GUCY1A2: variants seen among roughly 807,000 people sequenced by gnomAD.
GUCY1A2 encodes the protein guanylate cyclase soluble subunit alpha-2.
A neutral mutation model predicts 63.5 loss-of-function variants in GUCY1A2; 27 were observed. The ratio of observed to expected loss-of-function variants is 0.43; its 90% CI spans 0.31 to 0.59. GUCY1A2 has a LOEUF of 0.59. GUCY1A2 is among the 20% of genes least tolerant of loss of function. The pLI is 0.11. For synonymous variants in GUCY1A2, 364 were observed against 343.5 expected, an observed-to-expected ratio of 1.06 and a Z score of -0.66; for missense variants, 768 against 913.3, an observed-to-expected ratio of 0.84 and a Z score of 2.05.
intron 3 of GUCY1A2, among the ~76,000 whole-genome samples, chr11:106,964,069 A>C (rs570575134): frequency 7.6e-4 from 115 of 151,908 alleles, no homozygotes; most frequent in Middle Eastern, 3.4e-3. Context: ...ACACACACAC[A>C]CCCACACATC....
intron 4 of GUCY1A2, among the ~76,000 whole-genome samples, chr11:106,934,663 G>A (rs1860650788): frequency 6.6e-6 from 1 of 152,108 alleles, no homozygotes; most frequent in Non-Finnish European, 1.5e-5. Flanking sequence ...ACAAATGAGA[G>A]CATATTTCTG....
At chr11:106,709,707 T>C (rs995269797) in intron 6 of GUCY1A2, among the ~76,000 whole-genome samples, 4 of 60,178 alleles carry the variant, frequency 6.6e-5, no homozygotes, top group Non-Finnish European at 7.2e-5. Context: ...ATAGAATATA[T>C]AGTTATATAC....
At chr11:106,951,461 G>A (rs957808869) in intron 3 of GUCY1A2, among the ~76,000 whole-genome samples, 2 of 151,810 alleles carry the variant, frequency 1.3e-5, no homozygotes, top group African/African-American at 4.8e-5. Flanking sequence ...GTATCTCATT[G>A]TGCTTTTCAT....
chr11:106,946,009 A>G (rs985966554), intron 3 of GUCY1A2, among the ~76,000 whole-genome samples: 4 of 152,150 alleles, frequency 2.6e-5, no homozygotes, highest in Non-Finnish European at 4.4e-5. Flanking sequence ...TGATACATAG[A>G]AAAACTACCA....
chr11:106,812,626 TTAATA>T (rs1858777652), intron 4 of GUCY1A2, among the ~76,000 whole-genome samples: 1 of 151,716 alleles, frequency 6.6e-6, no homozygotes. Flanking sequence ...TATGCATAAA[TTAATA>T]TATATTATTT....
Position 106,677,308 on chromosome 11 carries a change from C to A in GUCY1A2, c.*10241G>T, listed in dbSNP as rs1360216030. The A allele has an allele frequency of 4.6e-6, 1 of 216,252 alleles. No individual in the cohort carries two copies. The highest frequency in any genetic ancestry group is 9.3e-6 in the Non-Finnish European group (1 of 107,400). The allele number at this position is 216,252 out of a possible 1,614,324, so 13.4% of individuals were successfully genotyped here. On this transcript the variant is annotated 3_prime_UTR_variant, in exon 8 of 8. Coordinates refer to ENST00000526355, the MANE Select transcript of GUCY1A2 (RefSeq NM_000855.3). ...TGCACATAAAACTTATGTATATAAA[C>A]CATTCATTTCACATTCATCAAGAAT...
chr11:106,957,398 C>T (rs1861000555), intron 3 of GUCY1A2, among the ~76,000 whole-genome samples: 1 of 152,156 alleles, frequency 6.6e-6, no homozygotes, highest in Admixed American at 6.5e-5. Flanking sequence ...TCTGCATGTT[C>T]CAAGGCTGGG....
chr11:107,001,642 AT>A (rs1258562158), intron 1 of GUCY1A2, among the ~76,000 whole-genome samples: 2 of 152,000 alleles, frequency 1.3e-5, no homozygotes, highest in East Asian at 3.9e-4. Context: ...GTGGATTTGT[AT>A]TCCCTTTTTT....
At chr11:106,916,562 G>A (rs4754174) in intron 4 of GUCY1A2, among the ~76,000 whole-genome samples, 118,763 of 144,496 alleles carry the variant, frequency 0.82, 51,415 homozygotes, top group East Asian at 0.99. Context: ...CTTAAACCAG[G>A]TGAGCCATAT....
intron 4 of GUCY1A2, among the ~76,000 whole-genome samples, chr11:106,901,601 G>A (rs1313195398): frequency 2.0e-5 from 3 of 151,870 alleles, no homozygotes; most frequent in Admixed American, 6.6e-5. Context: ...CCATTAACTC[G>A]TCATTTACAT....
chr11:106,750,041 A>T (rs1863856842), intron 6 of GUCY1A2, among the ~76,000 whole-genome samples: 1 of 152,076 alleles, frequency 6.6e-6, no homozygotes, highest in Non-Finnish European at 1.5e-5. Context: ...AGAGAAGCCT[A>T]TAATTTCTCA....
chr11:106,824,369 C>T (rs1422795443), intron 4 of GUCY1A2, among the ~76,000 whole-genome samples: 2 of 152,156 alleles, frequency 1.3e-5, no homozygotes, highest in South Asian at 4.1e-4. Flanking sequence ...AGAATTTAGA[C>T]TGGCCTTTTA....
intron 6 of GUCY1A2, among the ~76,000 whole-genome samples, chr11:106,763,093 T>C (rs764515921): frequency 6.6e-6 from 1 of 152,100 alleles, no homozygotes; most frequent in African/African-American, 2.4e-5. Context: ...ATAATTTCTA[T>C]GGATACTAAA....
chr11:106,939,426 G>A, intron 4 of GUCY1A2, 34 bp downstream of exon 4: 1 of 1,039,102 alleles, frequency 9.6e-7, no homozygotes, highest in Non-Finnish European at 1.5e-6. Flanking sequence ...CACTCTTCTA[G>A]TTCCCATCAC....
chr11:106,750,696 G>T (rs1483836043), intron 6 of GUCY1A2, among the ~76,000 whole-genome samples: 1 of 151,312 alleles, frequency 6.6e-6, no homozygotes, highest in African/African-American at 2.4e-5. Context: ...ATAACTAAGG[G>T]ATTTTTCCAG....
intron 5 of GUCY1A2, among the ~76,000 whole-genome samples, chr11:106,777,611 A>G (rs1442776522): frequency 6.6e-6 from 1 of 150,948 alleles, no homozygotes; most frequent in Non-Finnish European, 1.5e-5. Context: ...GTTCTCACTC[A>G]TAAGTAGGAG....
intron 4 of GUCY1A2, among the ~76,000 whole-genome samples, chr11:106,884,478 T>C (rs780427773): frequency 5.9e-5 from 9 of 151,848 alleles, no homozygotes; most frequent in Non-Finnish European, 1.2e-4. Flanking sequence ...GGAAGAATGC[T>C]AGGAAGTTTG....
At chr11:106,706,513 AC>A (rs745491708) in intron 7 of GUCY1A2, among the ~76,000 whole-genome samples, 6 of 150,046 alleles carry the variant, frequency 4.0e-5, no homozygotes, top group Non-Finnish European at 7.4e-5. Context: ...CTGAGTCACC[AC>A]CAAAATGCAC....
intron 2 of GUCY1A2, among the ~76,000 whole-genome samples, chr11:106,981,706 T>C (rs1440112376): frequency 6.6e-6 from 1 of 151,836 alleles, no homozygotes; most frequent in Admixed American, 6.6e-5. Flanking sequence ...GTGAGAGCAG[T>C]TGGGTCAAGC....
Sources: gnomAD v4.1 joint callset for allele counts (sites outside exome capture counted in the v4.1 genomes callset) on GRCh38, gnomAD v4.1.1 for gene constraint, MANE v1.5 for transcripts, NCBI Gene and HGNC (gene_info 2026-07-23, HGNC 2026-07-21) for gene names.